Variants in HIBCH observed in about 807,000 individuals in gnomAD.
HIBCH encodes the protein 3-hydroxyisobutyryl-CoA hydrolase.
In HIBCH, 50 loss-of-function variants were observed where a neutral mutation model predicts 58.2. The observed-to-expected ratio is 0.86, with a 90% CI of 0.68 to 1.09. The LOEUF (loss-of-function observed/expected upper bound fraction) is 1.09. HIBCH is among the 50% of genes least tolerant of loss of function. The pLI is 0.00. For synonymous variants in HIBCH, 151 were observed against 146.9 expected (o/e 1.03, Z -0.20); for missense variants, 450 against 449.7 (o/e 1.00, Z -0.01).
downstream of HIBCH, chr2:190,200,319 T>C: frequency 1.6e-6 from 1 of 620,958 alleles, no homozygotes; most frequent in Non-Finnish European, 2.9e-6. Context: ...AGTACTTCTA[T>C]GTTAACAGCA....
chr2:190,314,271 CAA>C (rs9288170), intron 1 of HIBCH, among the ~76,000 whole-genome samples: 2 of 132,514 alleles, frequency 1.5e-5, no homozygotes, highest in South Asian at 2.3e-4. Flanking sequence ...CCAGTTACTA[CAA>C]AAAAAATATA....
chr2:190,286,877 T>A (rs1687841385), intron 6 of HIBCH, among the ~76,000 whole-genome samples: 2 of 146,530 alleles, frequency 1.4e-5, no homozygotes, highest in South Asian at 4.4e-4. Context: ...AAAAAAAAAC[T>A]CAACATTCTA....
At chr2:190,285,267 G>T (rs1687802530) in intron 6 of HIBCH, among the ~76,000 whole-genome samples, 1 of 152,114 alleles carries the variant, frequency 6.6e-6, no homozygotes, top group African/African-American at 2.4e-5. Flanking sequence ...CTGTTTTAAT[G>T]GGGTCACATT....
chr2:190,220,126 G>A (rs1308897789), intron 11 of HIBCH, among the ~76,000 whole-genome samples: 2 of 152,192 alleles, frequency 1.3e-5, no homozygotes, highest in Admixed American at 1.3e-4. Flanking sequence ...GAAATTAAAG[G>A]TGCTATCACT....
chr2:190,235,721 T>C (rs1222142479), intron 11 of HIBCH, among the ~76,000 whole-genome samples: 1 of 152,190 alleles, frequency 6.6e-6, no homozygotes, highest in Non-Finnish European at 1.5e-5. Context: ...CTCTCTGGAA[T>C]ACCCTTTGGC....
chr2:190,319,701 C>A lies in HIBCH; in HGVS notation c.35+15G>T. On this transcript the variant is annotated intron_variant, in intron 1 of 13. Transcript: ENST00000359678. ...GCTGAAGAGCCTGCCCTTGGCCCCT[C>A]GCTCTCTCACTCACCTCGACATGAG... 6.2e-7 allele frequency: 1 copy of A among 1,606,450 alleles called. No homozygotes were observed.
intron 1 of HIBCH, among the ~76,000 whole-genome samples, chr2:190,312,314 A>G: frequency 6.6e-6 from 1 of 152,254 alleles, no homozygotes; most frequent in East Asian, 1.9e-4. Flanking sequence ...CAGATGTGCA[A>G]ATAAAAACAC....
chr2:190,313,091 A>G (rs183993130), intron 1 of HIBCH, among the ~76,000 whole-genome samples: 83 of 152,342 alleles, frequency 5.4e-4, no homozygotes, highest in African/African-American at 2.0e-3. Flanking sequence ...AGAATAAATC[A>G]TAACTGTTAG....
intron 2 of HIBCH, among the ~76,000 whole-genome samples, chr2:190,308,593 T>C (rs1688476139): frequency 6.6e-6 from 1 of 152,202 alleles, no homozygotes; most frequent in African/African-American, 2.4e-5. Flanking sequence ...TGCCACATGA[T>C]GTCCTATACC....
At chr2:190,301,887 T>C (rs1688273099) in intron 2 of HIBCH, among the ~76,000 whole-genome samples, 2 of 152,168 alleles carry the variant, frequency 1.3e-5, no homozygotes, top group African/African-American at 2.4e-5. Context: ...ACTAATCCTG[T>C]GACAGTGGGG....
At chr2:190,262,287 A>T (rs1292428937) in intron 6 of HIBCH, among the ~76,000 whole-genome samples, 2 of 152,146 alleles carry the variant, frequency 1.3e-5, no homozygotes, top group Non-Finnish European at 2.9e-5. Context: ...CACACAACTT[A>T]AATTTGCCTC....
intron 13 of HIBCH, chr2:190,208,533 C>T: frequency 6.1e-6 from 2 of 330,500 alleles, no homozygotes; most frequent in South Asian, 2.8e-5. Flanking sequence ...TTTTCATATC[C>T]CAGATGGTAA....
rs11380276 is a variant in HIBCH at position 190,286,862 on chromosome 2, T to TAA, written c.438+722_438+723dup. 2.1e-3 allele frequency among the ~76,000 whole-genome samples: 305 copies of TAA among 147,192 alleles called. 1 individual carries two copies. The highest frequency in any genetic ancestry group is 2.5e-3 in the Non-Finnish European group (166 of 66,750). ...GCAACCAAATCTCTAATACTGAATT[T>TAA]AAAAAAAAAAAAACTCAACATTCTA... is the stretch of plus-strand genomic sequence containing the variant. On this transcript the variant is annotated intron_variant, in intron 6 of 13. Coordinates refer to ENST00000359678, the MANE Select transcript of HIBCH (RefSeq NM_014362.4).
intron 11 of HIBCH, among the ~76,000 whole-genome samples, chr2:190,239,204 C>T (rs1363549479): frequency 6.6e-6 from 1 of 152,168 alleles, no homozygotes; most frequent in African/African-American, 2.4e-5. Flanking sequence ...TTCCCAACAA[C>T]ATTTATTAAA....
chr2:190,269,529 T>C (rs186922131), intron 6 of HIBCH, among the ~76,000 whole-genome samples: 52 of 152,232 alleles, frequency 3.4e-4, no homozygotes, highest in African/African-American at 1.2e-3. Flanking sequence ...TGAGATACCA[T>C]CTCACACCAG....
At chr2:190,240,438 C>A (rs991932018) in intron 11 of HIBCH, among the ~76,000 whole-genome samples, 2 of 152,110 alleles carry the variant, frequency 1.3e-5, no homozygotes, top group Admixed American at 1.3e-4. Flanking sequence ...TTTTCAAAAA[C>A]CAGCTCCTGG....
chr2:190,291,734 T>C (rs1298159605), intron 4 of HIBCH, among the ~76,000 whole-genome samples: 3 of 152,198 alleles, frequency 2.0e-5, no homozygotes, highest in Non-Finnish European at 2.9e-5. Context: ...TCACTTCTGT[T>C]GCAATCTTCT....
intron 1 of HIBCH, among the ~76,000 whole-genome samples, chr2:190,318,701 G>A (rs1349730710): frequency 6.6e-6 from 1 of 152,032 alleles, no homozygotes; most frequent in African/African-American, 2.4e-5. Context: ...TTCTCTATTT[G>A]CTATTTGCTG....
intron 6 of HIBCH, among the ~76,000 whole-genome samples, chr2:190,275,232 C>T (rs1025956092): frequency 6.6e-6 from 1 of 151,952 alleles, no homozygotes; most frequent in South Asian, 2.1e-4. Flanking sequence ...GAGAGAAGAA[C>T]CTAAAATGTT....
Sources: allele counts gnomAD v4.1 joint callset (sites outside exome capture counted in the v4.1 genomes callset), GRCh38; gene constraint gnomAD v4.1.1; transcripts MANE v1.5; gene names NCBI Gene and HGNC (gene_info 2026-07-23, HGNC 2026-07-21).